Variants in UHMK1 observed in about 807,000 individuals in gnomAD.
UHMK1 encodes the protein U2AF homology motif kinase 1.
UHMK1 carries 18 observed loss-of-function variants against 44.0 expected under a neutral mutation model. That is an observed-to-expected ratio of 0.41 (90% CI 0.28 to 0.61). The LOEUF (loss-of-function observed/expected upper bound fraction) is 0.61. UHMK1 is among the 20% of genes least tolerant of loss of function. The pLI is 0.31. For missense variants in UHMK1, 463 were observed against 522.5 expected (o/e 0.89, Z 1.11); for synonymous variants, 231 against 198.5 (o/e 1.16, Z -1.38).
Position 162,518,149 on chromosome 1 carries a change from G to C in UHMK1, c.1072G>C (p.Val358Leu). Residue 358 changes from valine (V) to leucine (L), a missense_variant, in exon 7 of 8, where the codon GTA becomes CTA. Physicochemically the swap from Val to Leu is conservative, Grantham distance 32 (BLOSUM62 1). This residue lies in a region of UHMK1 where 264 missense variants were observed against 326.3 expected (regional missense o/e 0.81). Transcript: ENST00000489294. ...GGAGTGTCAAAAATATGGACCAGTG[G>C]TATCTCTACTTGTTCCAAAGGAAAA... Reference protein sequence around the residue: ...KEECQKYGPVVSLLVPKENPG... With the variant: ...KEECQKYGPVLSLLVPKENPG... 6.2e-7 allele frequency: 1 copy of C among 1,613,380 alleles called. No individual in the cohort carries two copies.
chr1:162,511,802 G>A lies in UHMK1; in HGVS notation c.849-698G>A, dbSNP rs138189624. Among the ~76,000 whole-genome samples, 150 of 152,178 alleles carry A rather than the reference G, an allele frequency of 9.9e-4. 4 individuals are homozygous for A. The East Asian group carries it at 0.025, about 26-fold the overall frequency. On this transcript the variant is annotated intron_variant, in intron 4 of 7. Transcript: ENST00000489294. ...TAAGGGTTTAATTTTATTCTTTGGC[G>A]TGTTAATATCCAGTTTTTCCCAGCA...
intron 2 of UHMK1, chr1:162,500,599 T>C: frequency 2.4e-6 from 1 of 408,986 alleles, no homozygotes; most frequent in Non-Finnish European, 4.4e-6. Context: ...AGAATGCATA[T>C]GATAGTTCTG....
chr1:162,510,637 T>G (rs923393344), intron 4 of UHMK1, among the ~76,000 whole-genome samples: 9 of 141,156 alleles, frequency 6.4e-5, no homozygotes, highest in East Asian at 6.1e-4. Context: ...GTGTTTTTTG[T>G]TTTTTTTTTA....
chr1:162,497,777 T>G, upstream of UHMK1: 646 of 1,045,654 alleles, frequency 6.2e-4, no homozygotes, highest in Non-Finnish European at 7.2e-4. Context: ...CCCCCCCTCC[T>G]TCGGCCTGTA....
intron 6 of UHMK1, among the ~76,000 whole-genome samples, chr1:162,515,351 G>C (rs1334831307): frequency 6.6e-6 from 1 of 151,930 alleles, no homozygotes; most frequent in Non-Finnish European, 1.5e-5. Flanking sequence ...CAGATATTTA[G>C]GTCTGTATAT....
intron 4 of UHMK1, among the ~76,000 whole-genome samples, chr1:162,505,885 A>G (rs1324401871): frequency 1.3e-5 from 2 of 152,178 alleles, no homozygotes; most frequent in African/African-American, 2.4e-5. Context: ...GGACTTTGCA[A>G]AAATGTTACA....
At chr1:162,506,966 G>T (rs1389585541) in intron 4 of UHMK1, among the ~76,000 whole-genome samples, 1 of 152,028 alleles carries the variant, frequency 6.6e-6, no homozygotes, top group Non-Finnish European at 1.5e-5. Context: ...TTTTGATTTT[G>T]ATTGTTCTGG....
intron 2 of UHMK1, 125 bp from the exon 3 acceptor site, chr1:162,500,787 TA>T: frequency 1.1e-6 from 1 of 888,614 alleles, no homozygotes; most frequent in Non-Finnish European, 1.7e-6. Context: ...AATCAAGGAC[TA>T]AAAATTTTTA....
Position 162,500,264 on chromosome 1 carries a change from T to C in UHMK1, c.561+17T>C, listed in dbSNP as rs549476056. On this transcript the variant is annotated intron_variant, in intron 2 of 7. Coordinates refer to ENST00000489294, the MANE Select transcript of UHMK1 (RefSeq NM_175866.5). The stretch of plus-strand genomic sequence containing the variant: ...GGCAATCAGGTAAGAAATAACCTTT[T>C]CTTTTCTCTCGCAGTTTAAAATGTA... 8.5e-5 allele frequency: 135 copies of C among 1,597,516 alleles called. No homozygotes were observed. Among genetic ancestry groups the C allele is most frequent in the Non-Finnish European group, 1.1e-4 (133 of 1,169,780 alleles).
At chr1:162,503,704 A>G (rs1489115751) in intron 3 of UHMK1, 50 bp from the exon 4 acceptor site, 1 of 1,422,940 alleles carries the variant, frequency 7.0e-7, no homozygotes, top group East Asian at 2.3e-5. Context: ...CCTAGTATTC[A>G]ATAAATACAG....
upstream of UHMK1, chr1:162,497,311 G>C: frequency 1.4e-6 from 1 of 702,154 alleles, no homozygotes. Context: ...GAGGCTAGTC[G>C]GACCCCCACT....
Position 162,518,159 on chromosome 1 carries a change from T to G in UHMK1, c.1082T>G (p.Leu361Arg). ...AAATATGGACCAGTGGTATCTCTAC[T>G]TGTTCCAAAGGAAAATCCTGGCAGA... ...CQKYGPVVSL[L>R]VPKENPGRGQ... The change falls in exon 7 of 8, where the codon CTT (leucine) becomes CGT (arginine). Residue 361 changes from leucine to arginine, a missense_variant. By Grantham distance (102) the Leu-to-Arg change is moderately radical. This residue lies in a region of UHMK1 where 264 missense variants were observed against 326.3 expected (regional missense o/e 0.81). Coordinates refer to ENST00000489294, the MANE Select transcript of UHMK1 (RefSeq NM_175866.5). The G allele has an allele frequency of 6.2e-7, 1 of 1,613,366 alleles. No individual in the cohort carries two copies. The highest frequency in any genetic ancestry group is 1.3e-5 in the African/African-American group (1 of 75,052).
At chr1:162,499,121 C>T (rs1489573443) in intron 1 of UHMK1, among the ~76,000 whole-genome samples, 3 of 151,778 alleles carry the variant, frequency 2.0e-5, no homozygotes, top group Non-Finnish European at 1.5e-5. Flanking sequence ...AAATTTCATC[C>T]GAAAAGTCTT....
intron 7 of UHMK1, among the ~76,000 whole-genome samples, chr1:162,521,251 T>G (rs1394026156): frequency 6.6e-6 from 1 of 152,144 alleles, no homozygotes; most frequent in East Asian, 1.9e-4. Context: ...ATTTCATAAT[T>G]TATAAAAATA....
chr1:162,509,320 T>C (rs1374474493), intron 4 of UHMK1, among the ~76,000 whole-genome samples: 1 of 152,218 alleles, frequency 6.6e-6, no homozygotes, highest in East Asian at 1.9e-4. Flanking sequence ...CCAAGATTTC[T>C]TCTCACTGTG....
Position 162,522,478 on chromosome 1 carries a change from G to A in UHMK1, c.1188G>A (p.Gly396=). The part of the protein sequence containing the change: ...QKLLTGRMFD[G]KFVVATFYPL... The stretch of plus-strand genomic sequence containing the variant: ...TACTGACTGGAAGGATGTTTGATGG[G>A]AAGTTTGTTGTGGCTACATTCTACC... The change falls in exon 8 of 8, where the codon GGG becomes GGA. Residue 396 remains glycine (G), a synonymous_variant. Transcript: ENST00000489294. 1.9e-6 allele frequency: 3 copies of A among 1,614,166 alleles called. No homozygotes were observed. The highest frequency in any genetic ancestry group is 2.5e-6 in the Non-Finnish European group (3 of 1,180,010).
intron 7 of UHMK1, among the ~76,000 whole-genome samples, chr1:162,519,341 A>G (rs555289341): frequency 1.3e-5 from 2 of 152,082 alleles, no homozygotes; most frequent in African/African-American, 4.8e-5. Context: ...AGTAACACCA[A>G]CTGCTAAATC....
chr1:162,513,123 T>C (rs1275191454), intron 6 of UHMK1: 3 of 329,142 alleles, frequency 9.1e-6, no homozygotes, highest in Non-Finnish European at 1.8e-5. Flanking sequence ...GTATTTTTAG[T>C]AGGGACGGGG....
intron 6 of UHMK1, among the ~76,000 whole-genome samples, chr1:162,517,236 T>C (rs1651863592): frequency 6.6e-6 from 1 of 151,956 alleles, no homozygotes; most frequent in South Asian, 2.1e-4. Flanking sequence ...GAGGTGGAGG[T>C]TGCAGTGAGC....
Sources: gnomAD v4.1 joint callset for allele counts (sites outside exome capture counted in the v4.1 genomes callset) on GRCh38, gnomAD v4.1.1 for gene constraint, gnomAD v4.1.1 regional missense constraint, MANE v1.5 for transcripts, NCBI Gene and HGNC (gene_info 2026-07-23, HGNC 2026-07-21) for gene names.